The following NRXN1 variants were observed in gnomAD, a reference collection of about 807,000 sequenced individuals.
The protein encoded by NRXN1 is neurexin 1.
Under a neutral mutation model 150.9 loss-of-function variants are expected in NRXN1, and 39 were observed. That is an observed-to-expected ratio of 0.26 (90% CI 0.20 to 0.34). The LOEUF (loss-of-function observed/expected upper bound fraction) is 0.34, where lower values mean the gene tolerates loss of function less well. NRXN1 is among the 10% of genes least tolerant of loss of function. The pLI, the probability that NRXN1 is intolerant of heterozygous loss-of-function variation, is 1.00. For synonymous variants in NRXN1, 924 were observed against 757.0 expected, an observed-to-expected ratio of 1.22 and a Z score of -3.62; for missense variants, 1,815 against 1,949.9, an observed-to-expected ratio of 0.93 and a Z score of 1.30.
chr2:50,040,339 A>G (rs532743856), intron 21 of NRXN1, among the ~76,000 whole-genome samples: 1 of 150,818 alleles, frequency 6.6e-6, no homozygotes, highest in African/African-American at 2.4e-5. Flanking sequence ...ATTTACATAT[A>G]GTTTTATCTA....
At chr2:50,353,073 C>T (rs1272886061) in intron 17 of NRXN1, among the ~76,000 whole-genome samples, 2 of 152,012 alleles carry the variant, frequency 1.3e-5, no homozygotes, top group Non-Finnish European at 2.9e-5. Context: ...TCAAGTCACT[C>T]AAATTGAATT....
chr2:50,046,736 A>T (rs1691861902), intron 21 of NRXN1, among the ~76,000 whole-genome samples: 1 of 152,106 alleles, frequency 6.6e-6, no homozygotes, highest in South Asian at 2.1e-4. Context: ...ATAGGTGGGC[A>T]TTTTGGCTTC....
At chr2:49,951,313 T>G (rs1304101991) in intron 21 of NRXN1, among the ~76,000 whole-genome samples, 1 of 151,998 alleles carries the variant, frequency 6.6e-6, no homozygotes, top group Admixed American at 6.6e-5. Flanking sequence ...GTCAGGGAAC[T>G]TGAAATTAAA....
chr2:50,502,594 G>A (rs1360565422), intron 13 of NRXN1, among the ~76,000 whole-genome samples: 1 of 151,972 alleles, frequency 6.6e-6, no homozygotes, highest in African/African-American at 2.4e-5. Context: ...ATGCATTATT[G>A]GATTAAGCAA....
In NRXN1 at chr2:50,818,738, G is replaced by A. The variant is rs1669282881; in HGVS notation, c.832+103131C>T. On this transcript the variant is annotated intron_variant, in intron 5 of 22. Transcript: ENST00000401669. ...GAAATGAGTGAAAAGGCAATCTATG[G>A]AATGAGAGAAAATATATGCAAACCA... 2.0e-5 allele frequency among the ~76,000 whole-genome samples: 3 copies of A among 151,982 alleles called. No individual in the cohort carries two copies. The South Asian group carries it at 6.2e-4, about 32-fold the overall frequency.
chr2:50,261,156 G>A (rs2068229734), intron 17 of NRXN1, among the ~76,000 whole-genome samples: 1 of 151,622 alleles, frequency 6.6e-6, no homozygotes, highest in East Asian at 1.9e-4. Context: ...CATTTACACT[G>A]TAGAAGCCAC....
chr2:50,328,891 T>G, intron 17 of NRXN1, among the ~76,000 whole-genome samples: 1 of 152,176 alleles, frequency 6.6e-6, no homozygotes. Flanking sequence ...TTGGTCAACC[T>G]TCTAACACAT....
chr2:50,617,251 T>C (rs745562373), intron 8 of NRXN1, among the ~76,000 whole-genome samples: 12 of 152,038 alleles, frequency 7.9e-5, no homozygotes, highest in Middle Eastern at 6.8e-3. Context: ...CTGGCCAACA[T>C]AGAGTGAAAC....
At chr2:50,553,926 C>A (rs1376243898) in intron 8 of NRXN1, among the ~76,000 whole-genome samples, 1 of 152,080 alleles carries the variant, frequency 6.6e-6, no homozygotes, top group African/African-American at 2.4e-5. Flanking sequence ...CTAATAAATT[C>A]AAAGGTATTT....
chr2:50,673,959 G>C (rs1689199023), intron 5 of NRXN1, among the ~76,000 whole-genome samples: 1 of 152,036 alleles, frequency 6.6e-6, no homozygotes, highest in Non-Finnish European at 1.5e-5. Context: ...GGGGTGGGGT[G>C]CTGGGGGAGG....
intron 2 of NRXN1, among the ~76,000 whole-genome samples, chr2:50,969,248 T>G (rs1694621003): frequency 6.6e-6 from 1 of 152,116 alleles, no homozygotes; most frequent in South Asian, 2.1e-4. Flanking sequence ...ATTCACTGAT[T>G]TTTTCCTCAA....
intron 21 of NRXN1, among the ~76,000 whole-genome samples, chr2:50,025,686 A>G (rs892265825): frequency 6.6e-6 from 1 of 152,230 alleles, no homozygotes; most frequent in Non-Finnish European, 1.5e-5. Flanking sequence ...TTAAGCATCT[A>G]TAGTGCCAGG....
At chr2:50,973,564 T>C (rs937823810) in intron 2 of NRXN1, among the ~76,000 whole-genome samples, 1 of 152,252 alleles carries the variant, frequency 6.6e-6, no homozygotes, top group Middle Eastern at 3.4e-3. Flanking sequence ...TCTTCATTAA[T>C]TAATTATATG....
intron 8 of NRXN1, among the ~76,000 whole-genome samples, chr2:50,607,105 T>C (rs1285558840): frequency 2.6e-5 from 4 of 152,088 alleles, no homozygotes; most frequent in Admixed American, 1.3e-4. Context: ...TAGGGGAAGA[T>C]AGTGTGAAAA....
In NRXN1 at chr2:50,231,625, A is replaced by G. The variant is rs1455724008; in HGVS notation, c.3546+5164T>C. Among the ~76,000 whole-genome samples, 7 of 152,098 alleles carry G rather than the reference A, an allele frequency of 4.6e-5. No homozygotes were observed. In the East Asian group the frequency reaches 5.8e-4, roughly 13 times the overall value. On this transcript the variant is annotated intron_variant, in intron 18 of 22. Transcript: ENST00000401669. The stretch of plus-strand genomic sequence containing the variant: ...TTTGCAATGCTCTTTTATGCTCCCA[A>G]GATGAAAGGATTTCAAAACACACTC...
intron 17 of NRXN1, among the ~76,000 whole-genome samples, chr2:50,253,290 A>G (rs771084429): frequency 6.6e-6 from 1 of 152,150 alleles, no homozygotes; most frequent in African/African-American, 2.4e-5. Flanking sequence ...GAAGTTGTTT[A>G]TCAGCTTAAG....
chr2:50,790,380 AT>A (rs1207776193), intron 5 of NRXN1, among the ~76,000 whole-genome samples: 1 of 152,094 alleles, frequency 6.6e-6, no homozygotes. Context: ...TTCCTCAGGC[AT>A]TTCTAGATTT....
intron 17 of NRXN1, among the ~76,000 whole-genome samples, chr2:50,240,107 C>G (rs1348109657): frequency 6.6e-6 from 1 of 151,384 alleles, no homozygotes; most frequent in East Asian, 2.0e-4. Flanking sequence ...AGATTTTAAC[C>G]TTTTTCAATG....
At chr2:50,995,212 C>T (rs1276844801) in intron 2 of NRXN1, among the ~76,000 whole-genome samples, 14 of 151,872 alleles carry the variant, frequency 9.2e-5, no homozygotes, top group Non-Finnish European at 7.4e-5. Flanking sequence ...CATTAAGTTA[C>T]GCCTTATAGT....
Sources: allele counts gnomAD v4.1 joint callset (sites outside exome capture counted in the v4.1 genomes callset), GRCh38; gene constraint gnomAD v4.1.1; transcripts MANE v1.5; gene names NCBI Gene and HGNC (gene_info 2026-07-23, HGNC 2026-07-21).